The following ASAH2 variants were observed in gnomAD, a reference collection of about 807,000 sequenced individuals.
The protein encoded by ASAH2 is neutral ceramidase.
In ASAH2, 58 loss-of-function variants were observed where a neutral mutation model predicts 82.9. The ratio of observed to expected loss-of-function variants is 0.70; its 90% CI spans 0.57 to 0.87. The LOEUF is 0.87. Ranked by LOEUF, ASAH2 falls within the 40% of genes least tolerant of loss-of-function variation. The pLI is 0.00. For missense variants in ASAH2, 779 were observed against 834.0 expected, an observed-to-expected ratio of 0.93 and a Z score of 0.81; for synonymous variants, 276 against 289.7, an observed-to-expected ratio of 0.95 and a Z score of 0.48.
intron 9 of ASAH2, among the ~76,000 whole-genome samples, chr10:50,214,090 A>G (rs1845534035): frequency 6.6e-6 from 1 of 152,198 alleles, no homozygotes; most frequent in Non-Finnish European, 1.5e-5. Context: ...CTCATTGAAA[A>G]GTTTCTAAGA....
intron 20 of ASAH2, among the ~76,000 whole-genome samples, chr10:50,189,037 C>T (rs1195907526): frequency 3.4e-5 from 5 of 145,446 alleles, no homozygotes; most frequent in African/African-American, 8.1e-5. Context: ...AACACCCAAG[C>T]TTCTAGTGTT....
intron 14 of ASAH2, among the ~76,000 whole-genome samples, chr10:50,204,633 T>G (rs927037973): frequency 5.0e-4 from 76 of 152,106 alleles, no homozygotes; most frequent in African/African-American, 1.7e-3. Context: ...GGGATAAGTT[T>G]TTTTTAATTT....
intron 1 of ASAH2, among the ~76,000 whole-genome samples, chr10:50,250,850 T>TTC (rs1846596197): frequency 1.3e-5 from 2 of 152,264 alleles, no homozygotes; most frequent in Non-Finnish European, 2.9e-5. Flanking sequence ...ACATTAGTGT[T>TTC]TCCACCTATT....
intron 4 of ASAH2, among the ~76,000 whole-genome samples, chr10:50,242,747 C>G (rs953212624): frequency 6.6e-6 from 1 of 152,164 alleles, no homozygotes; most frequent in Non-Finnish European, 1.5e-5. Context: ...TACCCAGCTT[C>G]TATAACTACC....
intron 7 of ASAH2, among the ~76,000 whole-genome samples, chr10:50,220,064 C>A (rs1224242020): frequency 6.6e-6 from 1 of 152,178 alleles, no homozygotes; most frequent in Non-Finnish European, 1.5e-5. Context: ...CATTAAGAGA[C>A]TTAAAACTTG....
chr10:50,239,445 C>T (rs950401795), intron 4 of ASAH2, among the ~76,000 whole-genome samples: 4 of 152,076 alleles, frequency 2.6e-5, no homozygotes, highest in African/African-American at 9.7e-5. Context: ...TAAACTCCTC[C>T]CCACTCTACC....
Position 50,204,936 on chromosome 10 carries a change from C to CA in ASAH2, c.1549dup (p.Trp517LeufsTer7). 1 of 1,610,582 alleles carries CA rather than the reference C, an allele frequency of 6.2e-7. No homozygotes were observed. Among genetic ancestry groups the CA allele is most frequent in the Non-Finnish European group, 8.5e-7 (1 of 1,178,374 alleles). The stretch of plus-strand genomic sequence containing the variant: ...CTGAACATCAACAATGTCTGGATGC[C>CA]AGGGGTGAGGTTTTGATAGCTGAGA... On this transcript the variant is annotated frameshift_variant, in exon 14 of 21. Coordinates refer to ENST00000682911, the MANE Select transcript of ASAH2 (RefSeq NM_019893.4). LOFTEE classifies it high-confidence loss of function.
At chr10:50,223,188 T>C (rs1845791945) in intron 7 of ASAH2, among the ~76,000 whole-genome samples, 1 of 152,178 alleles carries the variant, frequency 6.6e-6, no homozygotes, top group Non-Finnish European at 1.5e-5. Flanking sequence ...AAACAACATA[T>C]TAATATAAAA....
intron 8 of ASAH2, among the ~76,000 whole-genome samples, chr10:50,217,026 C>T (rs1845618891): frequency 6.6e-6 from 1 of 152,078 alleles, no homozygotes; most frequent in Non-Finnish European, 1.5e-5. Context: ...GAGCTGTAGC[C>T]TAGCAGGAAG....
At chr10:50,221,525 T>C (rs1176360622) in intron 7 of ASAH2, among the ~76,000 whole-genome samples, 2 of 152,164 alleles carry the variant, frequency 1.3e-5, no homozygotes. Flanking sequence ...AGTACTATCA[T>C]TATCTTCATT....
intron 7 of ASAH2, among the ~76,000 whole-genome samples, chr10:50,220,247 T>C (rs1845706140): frequency 6.6e-6 from 1 of 152,218 alleles, no homozygotes; most frequent in Non-Finnish European, 1.5e-5. Context: ...TGGGGTTACA[T>C]ATTTTTTAAA....
At chr10:50,219,191 G>A (rs1338050665) in intron 7 of ASAH2, among the ~76,000 whole-genome samples, 1 of 152,132 alleles carries the variant, frequency 6.6e-6, no homozygotes, top group African/African-American at 2.4e-5. Context: ...GAAACAGCAG[G>A]GTAAATGCAC....
At position 50,222,165 on chromosome 10, in the gene ASAH2, G is replaced by A. The variant is rs1242138860; in HGVS notation, c.894-3535C>T. Among the ~76,000 whole-genome samples the A allele has an allele frequency of 1.1e-4, 17 of 152,296 alleles. No homozygotes were observed. In the South Asian group the frequency reaches 1.9e-3, roughly 17 times the overall value. ...GTTGATTGGCATTGTGTGAAGGATC[G>A]TAAAGAGGAATCAGATGCATTTCCT... On this transcript the variant is annotated intron_variant, in intron 7 of 20. Transcript: ENST00000682911.
intron 1 of ASAH2, among the ~76,000 whole-genome samples, chr10:50,250,018 A>G (rs577567805): frequency 5.3e-5 from 8 of 152,338 alleles, no homozygotes; most frequent in African/African-American, 1.9e-4. Flanking sequence ...AAGATATAAA[A>G]AAATAGCATT....
At chr10:50,242,674 T>A (rs1267538749) in intron 4 of ASAH2, among the ~76,000 whole-genome samples, 1 of 152,188 alleles carries the variant, frequency 6.6e-6, no homozygotes, top group Admixed American at 6.6e-5. Context: ...TTTGTATGGA[T>A]GTGACAATTT....
chr10:50,218,631 C>T lies in ASAH2; in HGVS notation c.894-1G>A. On this transcript the variant is annotated splice_acceptor_variant, in intron 7 of 20. Transcript: ENST00000682911. LOFTEE classifies it high-confidence loss of function. Reference sequence around the variant, plus strand: ...GCTGACCGGGTGGATGGCAAACCAGCTGTAAAAGAGCAAGAAGCTCTAAAT... The same window carrying T: ...GCTGACCGGGTGGATGGCAAACCAGTTGTAAAAGAGCAAGAAGCTCTAAAT... 6.2e-7 allele frequency: 1 copy of T among 1,613,732 alleles called. No homozygotes were observed. The highest frequency in any genetic ancestry group is 8.5e-7 in the Non-Finnish European group (1 of 1,179,712).
chr10:50,224,040 T>C (rs1253504065), intron 7 of ASAH2, among the ~76,000 whole-genome samples: 9 of 152,192 alleles, frequency 5.9e-5, no homozygotes, highest in African/African-American at 1.7e-4. Flanking sequence ...ACCTAGTCTT[T>C]GATAATGTGT....
intron 7 of ASAH2, among the ~76,000 whole-genome samples, chr10:50,220,848 A>G (rs1247060881): frequency 6.6e-6 from 1 of 151,606 alleles, no homozygotes; most frequent in African/African-American, 2.4e-5. Flanking sequence ...AAAAAAAAAA[A>G]AAAAAAAAAA....
chr10:50,203,512 T>C lies in ASAH2; in HGVS notation c.1665+128A>G. On this transcript the variant is annotated intron_variant, in intron 15 of 20. Coordinates refer to ENST00000682911, the MANE Select transcript of ASAH2 (RefSeq NM_019893.4). ...AAGTCTGGTTCTTATACTACCAATA[T>C]TTCATATTAACCTTAGCCATTAATT... is the stretch of plus-strand genomic sequence containing the variant. 5.7e-6 allele frequency: 5 copies of C among 872,614 alleles called. 1 individual carries two copies. The South Asian group carries it at 6.7e-5, about 12-fold the overall frequency. The allele number at this position is 872,614 out of a possible 1,614,324, so 54.1% of individuals were successfully genotyped here.
Sources: allele counts gnomAD v4.1 joint callset (sites outside exome capture counted in the v4.1 genomes callset), GRCh38; gene constraint gnomAD v4.1.1; transcripts MANE v1.5; gene names NCBI Gene and HGNC (gene_info 2026-07-23, HGNC 2026-07-21).